Variants in RTN4 observed in about 807,000 individuals in gnomAD.
RTN4 encodes the protein reticulon 4, also known as reticulon-4.
Under a neutral mutation model 90.4 loss-of-function variants are expected in RTN4, and 32 were observed. The observed-to-expected ratio is 0.35, with a 90% CI of 0.27 to 0.48. The LOEUF is 0.48. RTN4 is among the 20% of genes least tolerant of loss of function. RTN4 has a pLI of 0.99. For missense variants in RTN4, 1,706 were observed against 1,430.2 expected (o/e 1.19, Z -3.11); for synonymous variants, 629 against 552.5 (o/e 1.14, Z -1.94).
At chr2:55,065,362 C>A (rs984828427) in intron 2 of RTN4, among the ~76,000 whole-genome samples, 19 of 152,102 alleles carry the variant, frequency 1.2e-4, no homozygotes, top group African/African-American at 4.6e-4. Context: ...TGTTATACTA[C>A]CTCTATGAAG....
intron 3 of RTN4, among the ~76,000 whole-genome samples, chr2:55,016,193 T>A (rs1681021636): frequency 6.6e-6 from 1 of 152,214 alleles, no homozygotes. Flanking sequence ...ATGGAAATGT[T>A]TGCATTATAT....
At chr2:55,081,839 G>A (rs188096442) in intron 1 of RTN4, among the ~76,000 whole-genome samples, 41 of 121,652 alleles carry the variant, frequency 3.4e-4, no homozygotes, top group African/African-American at 1.2e-3. Context: ...CTCCAGCCTC[G>A]GCAACAGAGC....
chr2:55,009,421 C>T (rs1680470096), intron 3 of RTN4, among the ~76,000 whole-genome samples: 1 of 152,020 alleles, frequency 6.6e-6, no homozygotes, highest in Non-Finnish European at 1.5e-5. Flanking sequence ...ACACAATGAT[C>T]CACTGAGATT....
chr2:55,111,370 CAACGAAATAT>C (rs1668035731), intron 1 of RTN4, among the ~76,000 whole-genome samples: 1 of 152,158 alleles, frequency 6.6e-6, no homozygotes, highest in African/African-American at 2.4e-5. Context: ...TCAACAGAAA[CAACGAAATAT>C]CCATAGCAAC....
At chr2:55,051,368 G>T (rs958995562), upstream of RTN4, among the ~76,000 whole-genome samples, 2 of 152,288 alleles carry the variant, frequency 1.3e-5, no homozygotes, top group Admixed American at 6.5e-5. Flanking sequence ...GTCACCTTAG[G>T]TTCATGAGTC....
intron 1 of RTN4, among the ~76,000 whole-genome samples, chr2:55,091,656 T>C (rs1668936977): frequency 6.6e-6 from 1 of 152,152 alleles, no homozygotes; most frequent in East Asian, 1.9e-4. Context: ...AGCAGGATAC[T>C]GTCTCTCCAA....
Position 55,004,131 on chromosome 2 carries a change from C to T in RTN4, c.3014-16433G>A, listed in dbSNP as rs572469182. Among the ~76,000 whole-genome samples, 6 of 152,220 alleles carry T rather than the reference C, an allele frequency of 3.9e-5. No individual in the cohort carries two copies. The South Asian group carries it at 8.3e-4, about 21-fold the overall frequency. On this transcript the variant is annotated intron_variant, in intron 3 of 8. Coordinates refer to ENST00000337526, the MANE Select transcript of RTN4 (RefSeq NM_020532.5). ...CACTAGGTTTAACCTTTTGACAATA[C>T]CTGTACTAAATGACTAACCACACCT...
At chr2:55,030,137 T>C (rs1307090408) in intron 1 of RTN4, among the ~76,000 whole-genome samples, 2 of 152,176 alleles carry the variant, frequency 1.3e-5, no homozygotes, top group Non-Finnish European at 2.9e-5. Context: ...GAAACATATA[T>C]TACTGTTAAA....
At chr2:55,004,030 T>C (rs994676524) in intron 3 of RTN4, among the ~76,000 whole-genome samples, 1 of 152,158 alleles carries the variant, frequency 6.6e-6, no homozygotes, top group African/African-American at 2.4e-5. Context: ...TCTGCCTAGA[T>C]ATTCTGCCTA....
At chr2:55,104,565 G>T (rs934082288) in intron 1 of RTN4, among the ~76,000 whole-genome samples, 2 of 151,702 alleles carry the variant, frequency 1.3e-5, no homozygotes, top group African/African-American at 4.9e-5. Flanking sequence ...TGACGAAGCT[G>T]GTCTCAAACT....
chr2:54,981,772 T>C (rs141028249), intron 5 of RTN4, among the ~76,000 whole-genome samples: 2 of 152,266 alleles, frequency 1.3e-5, no homozygotes, highest in Admixed American at 1.3e-4. Context: ...TTAAATCTTA[T>C]CTAGAATAAG....
the RTN4 span, among the ~76,000 whole-genome samples, chr2:55,129,759 C>T: frequency 6.6e-6 from 1 of 152,146 alleles, no homozygotes; most frequent in South Asian, 2.1e-4. Flanking sequence ...GACAGGGTTT[C>T]ACCGTGTTAG....
intron 2 of RTN4, among the ~76,000 whole-genome samples, chr2:55,062,605 A>C (rs1668320901): frequency 1.3e-5 from 2 of 152,224 alleles, no homozygotes; most frequent in African/African-American, 4.8e-5. Flanking sequence ...ATTGTGTCGC[A>C]AGTAGTACTG....
In RTN4 at chr2:55,025,467, T is replaced by A; in HGVS notation, c.2632A>T (p.Lys878Ter). The A allele has an allele frequency of 6.2e-7, 1 of 1,613,834 alleles. No individual in the cohort carries two copies. Reference sequence around the variant, plus strand: ...GCTAATTTAGAAAATGAATCAGTTTTAGAACTGATCAATGTAGGGAACTCA... The same window carrying A: ...GCTAATTTAGAAAATGAATCAGTTTAAGAACTGATCAATGTAGGGAACTCA... ...IDEFPTLISS[K>*]TDSFSKLARE... Residue 878 changes from lysine (K) to a stop codon, truncating the protein, a stop_gained, in exon 3 of 9, where the codon AAA becomes TAA. Coordinates refer to ENST00000337526, the MANE Select transcript of RTN4 (RefSeq NM_020532.5). LOFTEE classifies it high-confidence loss of function.
the RTN4 span, among the ~76,000 whole-genome samples, chr2:55,133,859 A>G: frequency 6.6e-6 from 1 of 152,214 alleles, no homozygotes; most frequent in Non-Finnish European, 1.5e-5. Context: ...CCAAACAGGA[A>G]GAGCGAGCCA....
chr2:55,062,137 G>A (rs941418590), intron 2 of RTN4, among the ~76,000 whole-genome samples: 4 of 149,820 alleles, frequency 2.7e-5, no homozygotes, highest in African/African-American at 7.4e-5. Context: ...CAAGCAGCCC[G>A]ACTTCCAGCG....
At chr2:55,048,913 G>C (rs995822598) in intron 1 of RTN4, among the ~76,000 whole-genome samples, 2 of 151,924 alleles carry the variant, frequency 1.3e-5, no homozygotes, top group Non-Finnish European at 2.9e-5. Flanking sequence ...TAAGAGGCTG[G>C]GCCAAGTCCA....
chr2:55,103,814 T>G (rs1046402624), intron 1 of RTN4, among the ~76,000 whole-genome samples: 29 of 149,142 alleles, frequency 1.9e-4, no homozygotes, highest in Non-Finnish European at 2.7e-4. Context: ...CCTGCCCCAG[T>G]CTCCCAAGTA....
At chr2:54,995,639 C>T (rs1214614585) in intron 3 of RTN4, among the ~76,000 whole-genome samples, 2 of 152,128 alleles carry the variant, frequency 1.3e-5, no homozygotes, top group African/African-American at 4.8e-5. Flanking sequence ...GTGGCCAGAG[C>T]CTATCCTGAC....
Sources: allele counts gnomAD v4.1 joint callset (sites outside exome capture counted in the v4.1 genomes callset), GRCh38; gene constraint gnomAD v4.1.1; transcripts MANE v1.5; gene names NCBI Gene and HGNC (gene_info 2026-07-23, HGNC 2026-07-21).